GTF2F1: variants seen among roughly 807,000 people sequenced by gnomAD.
The protein encoded by GTF2F1 is general transcription factor IIF 74 kDa subunit.
GTF2F1 carries 39 observed loss-of-function variants against 63.5 expected under a neutral mutation model. The ratio of observed to expected loss-of-function variants is 0.61; its 90% CI spans 0.48 to 0.80. The LOEUF (loss-of-function observed/expected upper bound fraction) is 0.80. Among genes scored for constraint, GTF2F1 ranks in the 30% least tolerant of loss-of-function variants. The probability of loss-of-function intolerance (pLI) is 0.00; values close to 1 mark genes in which losing one functional copy is unlikely to be tolerated. For missense variants in GTF2F1, 657 were observed against 718.3 expected (o/e 0.91, Z 0.97); for synonymous variants, 287 against 285.3 (o/e 1.01, Z -0.06).
intron 2 of GTF2F1, chr19:6,392,304 G>A (rs2092003452): frequency 2.1e-6 from 1 of 487,510 alleles, no homozygotes; most frequent in Non-Finnish European, 4.0e-6. Flanking sequence ...CCTGACCCCA[G>A]GCAGAAGAAG....
At chr19:6,392,799 G>A in intron 2 of GTF2F1, 58 bp downstream of exon 2, 1 of 1,524,240 alleles carries the variant, frequency 6.6e-7, no homozygotes, top group Non-Finnish European at 9.1e-7. Flanking sequence ...TAAGAAGATC[G>A]TGAAGGTTTT....
chr19:6,389,800 G>A, intron 3 of GTF2F1, 163 bp from the exon 4 acceptor site: 1 of 592,284 alleles, frequency 1.7e-6, no homozygotes, highest in Non-Finnish European at 3.0e-6. Flanking sequence ...ACAAATCTGG[G>A]TAAAGGGAAT....
chr19:6,382,435 C>T (rs1682001156), intron 6 of GTF2F1, among the ~76,000 whole-genome samples: 2 of 151,926 alleles, frequency 1.3e-5, no homozygotes, highest in African/African-American at 4.8e-5. Flanking sequence ...AGTTTGAGAC[C>T]AGTCTGGCCA....
Position 6,381,447 on chromosome 19 carries a change from CTCCTCACTA to C in GTF2F1, c.921_929del (p.Ser307_Glu310delinsArg). 1 of 1,609,128 alleles carries C rather than the reference CTCCTCACTA, an allele frequency of 6.2e-7. No homozygotes were observed. The highest frequency in any genetic ancestry group is 8.5e-7 in the Non-Finnish European group (1 of 1,179,650). ...CCTCAGGCGGCTTCTCCTCCTCACTCTCCTCACTACTGTCGCTCTGCTCATCGACACCTG... is the reference window on the plus strand; with the variant it reads ...CCTCAGGCGGCTTCTCCTCCTCACTCCTGTCGCTCTGCTCATCGACACCTG... On this transcript the variant is annotated inframe_deletion, in exon 9 of 13. Transcript: ENST00000394456. The surrounding 1 kb of genome is among the most constrained non-coding windows in gnomAD (Gnocchi z 4.1).
intron 2 of GTF2F1, 33 bp from the exon 3 acceptor site, chr19:6,392,007 A>C (rs1442436874): frequency 2.8e-6 from 3 of 1,060,576 alleles, no homozygotes; most frequent in Non-Finnish European, 2.9e-6. Context: ...GTGTCAATCC[A>C]ATACAGCAAT....
Position 6,380,454 on chromosome 19 carries a change from G to A in GTF2F1, c.1381C>T (p.Arg461Cys). The A allele has an allele frequency of 6.2e-7, 1 of 1,614,050 alleles. No individual in the cohort carries two copies. Among genetic ancestry groups the A allele is most frequent in the Non-Finnish European group, 8.5e-7 (1 of 1,179,980 alleles). ...GTCATGGGCTTCCGTGTCAGGTAGC[G>A]GCGCACGGCATCCTCAGTCACCTGC... ...DVQVTEDAVR[R>C]YLTRKPMTTK... The change falls in exon 13 of 13, where the codon CGC becomes TGC. Residue 461 changes from arginine (R) to cysteine (C), a missense_variant. Transcript: ENST00000394456. The surrounding 1 kb of genome is among the most constrained non-coding windows in gnomAD (Gnocchi z 5.3).
chr19:6,391,440 T>TG, intron 3 of GTF2F1, among the ~76,000 whole-genome samples: 3 of 43,014 alleles, frequency 7.0e-5, no homozygotes, highest in Non-Finnish European at 1.1e-4. Flanking sequence ...GCCATTTCCG[T>TG]TTTTTTTTTT....
At chr19:6,385,774 C>A (rs943101442) in intron 5 of GTF2F1, among the ~76,000 whole-genome samples, 1 of 152,108 alleles carries the variant, frequency 6.6e-6, no homozygotes, top group Non-Finnish European at 1.5e-5. Context: ...AATTTTAAAA[C>A]CAAAGAAAAT....
chr19:6,387,243 G>T, intron 5 of GTF2F1, 146 bp downstream of exon 5: 2 of 715,244 alleles, frequency 2.8e-6, no homozygotes, highest in Non-Finnish European at 4.6e-6. Flanking sequence ...GTTTCCTCCT[G>T]AACTGACAGC....
rs754301696 is a variant in GTF2F1 at position 6,383,342 on chromosome 19, C to T, written c.651G>A (p.Ser217=). Residue 217 remains serine (S), a synonymous_variant, in exon 6 of 13, where the codon TCG becomes TCA. Transcript: ENST00000394456. This position sits in a 1 kb window ranked among gnomAD's most constrained non-coding sequence, Gnocchi z 4.5. Reference sequence around the variant, plus strand: ...CACCACTGGCATCACTGGCATCGGACGACATCTCCAGGTCGTCCTCCAGGT... The same window carrying T: ...CACCACTGGCATCACTGGCATCGGATGACATCTCCAGGTCGTCCTCCAGGT... ...IHDLEDDLEM[S]SDASDASGEE... 8.7e-5 allele frequency: 140 copies of T among 1,614,000 alleles called. 1 individual carries two copies. The South Asian group carries it at 1.2e-3, about 14-fold the overall frequency.
intron 1 of GTF2F1, 23 bp from the exon 2 acceptor site, chr19:6,392,926 G>A (rs373030509): frequency 3.2e-5 from 52 of 1,614,050 alleles, no homozygotes; most frequent in Non-Finnish European, 4.4e-5. Context: ...GAAGCGGTGA[G>A]TGAGGGGTCG....
At chr19:6,392,942 G>A in intron 1 of GTF2F1, 39 bp from the exon 2 acceptor site, 5 of 1,614,118 alleles carry the variant, frequency 3.1e-6, no homozygotes, top group South Asian at 2.2e-5. Context: ...GGTCGCCGAG[G>A]TCGCCGTCGG....
intron 5 of GTF2F1, among the ~76,000 whole-genome samples, chr19:6,385,606 G>T (rs989484341): frequency 2.0e-5 from 3 of 152,100 alleles, no homozygotes; most frequent in Non-Finnish European, 4.4e-5. Context: ...CCAAAGTGGA[G>T]CAGGCAGGCA....
Position 6,383,338 on chromosome 19 carries a change from C to G in GTF2F1, c.655G>C (p.Asp219His), listed in dbSNP as rs374186493. The change falls in exon 6 of 13, where the codon GAT becomes CAT. Residue 219 changes from aspartate (D) to histidine (H), a missense_variant. By Grantham distance (81) the Asp-to-His change is moderately conservative (BLOSUM62 -1). Coordinates refer to ENST00000394456, the MANE Select transcript of GTF2F1 (RefSeq NM_002096.3). This position sits in a 1 kb window ranked among gnomAD's most constrained non-coding sequence, Gnocchi z 4.5. ...TCCTCACCACTGGCATCACTGGCAT[C>G]GGACGACATCTCCAGGTCGTCCTCC... Reference protein sequence around the residue: ...DLEDDLEMSSDASDASGEEGG... With the variant: ...DLEDDLEMSSHASDASGEEGG... 1.9e-5 allele frequency: 31 copies of G among 1,614,002 alleles called. No homozygotes were observed. In the Admixed American group the frequency reaches 2.0e-4, roughly 10 times the overall value.
In GTF2F1 at chr19:6,381,948, G is replaced by A; in HGVS notation, c.683-98C>T. On this transcript the variant is annotated intron_variant, in intron 6 of 12. Transcript: ENST00000394456. The surrounding 1 kb of genome is among the most constrained non-coding windows in gnomAD (Gnocchi z 4.1). ...CATTTTGTGCAGTTTTGACATCCTGGGGGGCCTCACTGACTGGGGAGACTA... is the reference window on the plus strand; with the variant it reads ...CATTTTGTGCAGTTTTGACATCCTGAGGGGCCTCACTGACTGGGGAGACTA... The A allele has an allele frequency of 9.6e-7, 1 of 1,037,172 alleles. No individual in the cohort carries two copies. 64.2% of individuals were successfully genotyped at this position (1,037,172 alleles called of 1,614,324 possible). A position where few individuals can be genotyped will look rare whatever the true frequency, so the allele number is the denominator to read the frequency against.
Position 6,380,827 on chromosome 19 carries a change from T to A in GTF2F1, c.1231+77A>T. The A allele has an allele frequency of 6.6e-7, 1 of 1,505,188 alleles. No individual in the cohort carries two copies. Among genetic ancestry groups the A allele is most frequent in the Non-Finnish European group, 8.9e-7 (1 of 1,124,560 alleles). The allele number at this position is 1,505,188 out of a possible 1,614,324, so 93.2% of individuals were successfully genotyped here. ...GGCCTCCACCCGCATCTCCATCCCC[T>A]CTCTGTCCTGAGCCCCAACAGAGGT... is the stretch of plus-strand genomic sequence containing the variant. On this transcript the variant is annotated intron_variant, in intron 11 of 12. Coordinates refer to ENST00000394456, the MANE Select transcript of GTF2F1 (RefSeq NM_002096.3). The surrounding 1 kb of genome is among the most constrained non-coding windows in gnomAD (Gnocchi z 5.3).
intron 2 of GTF2F1, 94 bp from the exon 3 acceptor site, chr19:6,392,068 C>T (rs1237993747): frequency 4.3e-6 from 3 of 700,052 alleles, no homozygotes; most frequent in African/African-American, 1.8e-5. Flanking sequence ...ATTCAATCAA[C>T]CACCCAACTG....
chr19:6,387,197 TG>T (rs35678219), intron 5 of GTF2F1, 191 bp downstream of exon 5: 565,521 of 572,044 alleles, frequency 0.99, 279,560 homozygotes, highest in East Asian at 1. Context: ...CAGCACCCTC[TG>T]GGGTGCCCCA....
In GTF2F1 at chr19:6,381,458, T is replaced by C. The variant is rs1568329044; in HGVS notation, c.919A>G (p.Ser307Gly). 13 of 1,608,458 alleles carry C rather than the reference T, an allele frequency of 8.1e-6. No individual in the cohort carries two copies. The highest frequency in any genetic ancestry group is 1.1e-5 in the Non-Finnish European group (13 of 1,179,472). Residue 307 changes from serine to glycine, a missense_variant, in exon 9 of 13, where the codon AGT becomes GGT. Physicochemically the swap from Ser to Gly is moderately conservative, Grantham distance 56. Coordinates refer to ENST00000394456, the MANE Select transcript of GTF2F1 (RefSeq NM_002096.3). This position sits in a 1 kb window ranked among gnomAD's most constrained non-coding sequence, Gnocchi z 4.1. ...TTCTCCTCCTCACTCTCCTCACTAC[T>C]GTCGCTCTGCTCATCGACACCTGGG... ...GPKGVDEQSD[S>G]SEESEEEKPP...
Sources: gnomAD v4.1 joint callset for allele counts (sites outside exome capture counted in the v4.1 genomes callset) on GRCh38, gnomAD v4.1.1 for gene constraint, Gnocchi (gnomAD v3.1) non-coding constraint, MANE v1.5 for transcripts, NCBI Gene and HGNC (gene_info 2026-07-23, HGNC 2026-07-21) for gene names.